TRIM37: variants seen among roughly 807,000 people sequenced by gnomAD.
TRIM37 encodes the protein E3 ubiquitin-protein ligase TRIM37.
Under a neutral mutation model 129.8 loss-of-function variants are expected in TRIM37, and 80 were observed. The ratio of observed to expected loss-of-function variants is 0.62; its 90% CI spans 0.51 to 0.74. The LOEUF is 0.74. Among genes scored for constraint, TRIM37 ranks in the 30% least tolerant of loss-of-function variants. TRIM37 has a pLI of 0.00. For synonymous variants in TRIM37, 389 were observed against 387.1 expected (o/e 1.00, Z -0.06); for missense variants, 1,054 against 1,176.5 (o/e 0.90, Z 1.52).
chr17:59,013,810 G>A (rs1215269898), intron 21 of TRIM37, among the ~76,000 whole-genome samples: 4 of 152,064 alleles, frequency 2.6e-5, no homozygotes, highest in Non-Finnish European at 5.9e-5. Flanking sequence ...TTACAGGTGT[G>A]TGCCACTGTG....
chr17:59,102,781 G>T (rs2045626872), intron 2 of TRIM37, among the ~76,000 whole-genome samples: 1 of 152,182 alleles, frequency 6.6e-6, no homozygotes, highest in African/African-American at 2.4e-5. Flanking sequence ...CATCAATTGT[G>T]AGCTGTGTGA....
intron 13 of TRIM37, among the ~76,000 whole-genome samples, chr17:59,055,290 C>A (rs1311157542): frequency 7.9e-6 from 1 of 125,968 alleles, no homozygotes. Context: ...GAGCCAAGAT[C>A]GCGCCATTGC....
chr17:59,101,213 G>C (rs1184012597), intron 2 of TRIM37, among the ~76,000 whole-genome samples: 1 of 152,038 alleles, frequency 6.6e-6, no homozygotes, highest in Non-Finnish European at 1.5e-5. Flanking sequence ...AGAAAGAAAG[G>C]TCAGAACCAG....
At chr17:58,969,635 C>T in the TRIM37 span, 6 of 1,614,078 alleles carry the variant, frequency 3.7e-6, no homozygotes, top group South Asian at 3.3e-5. Context: ...TAACTTAGTC[C>T]GCCAGGAGAT....
the TRIM37 span, chr17:58,969,466 G>A: frequency 1.4e-6 from 2 of 1,425,506 alleles, no homozygotes; most frequent in African/African-American, 2.8e-5. Context: ...GGGCAACAAT[G>A]ATGCCAGGAG....
At chr17:59,072,303 C>T (rs1053878908) in intron 8 of TRIM37, among the ~76,000 whole-genome samples, 1 of 152,184 alleles carries the variant, frequency 6.6e-6, no homozygotes, top group East Asian at 1.9e-4. Flanking sequence ...GTCTCACAGT[C>T]ATTGGTATTT....
intron 14 of TRIM37, 67 bp from the exon 15 acceptor site, chr17:59,049,460 GAA>G: frequency 7.5e-7 from 1 of 1,327,786 alleles, no homozygotes; most frequent in Non-Finnish European, 1.1e-6. Flanking sequence ...TGTCTCAAGT[GAA>G]AAAAAAATGC....
intron 19 of TRIM37, among the ~76,000 whole-genome samples, chr17:59,018,756 C>T (rs1311472893): frequency 5.3e-5 from 8 of 150,272 alleles, no homozygotes; most frequent in Non-Finnish European, 1.2e-4. Flanking sequence ...ACAAGCTAAT[C>T]CTAAAATCCA....
chr17:58,998,214 G>C lies in TRIM37; in HGVS notation c.*1163C>G. On this transcript the variant is annotated 3_prime_UTR_variant, in exon 24 of 24. Transcript: ENST00000262294. ...CAGCAGAGGCATATTTTCTCAAGTT[G>C]ATTTTATTAACAAAAAGTGCAAACT... The C allele has an allele frequency of 3.0e-6, 3 of 985,344 alleles. No individual in the cohort carries two copies. The highest frequency in any genetic ancestry group is 3.6e-6 in the Non-Finnish European group (3 of 829,876). 61.0% of individuals were successfully genotyped at this position (985,344 alleles called of 1,614,324 possible).
At chr17:58,987,215 G>GT (rs1258258459) in intron 24 of TRIM37, among the ~76,000 whole-genome samples, 1 of 152,196 alleles carries the variant, frequency 6.6e-6, no homozygotes, top group Non-Finnish European at 1.5e-5. Context: ...AGTAACTGGA[G>GT]TTTAACTAAA....
intron 22 of TRIM37, among the ~76,000 whole-genome samples, chr17:59,005,892 A>C (rs1598838368): frequency 6.6e-6 from 1 of 152,236 alleles, no homozygotes; most frequent in East Asian, 1.9e-4. Context: ...GGCGATATTT[A>C]TAATGAGGAC....
chr17:59,047,958 T>C, intron 15 of TRIM37, 139 bp from the exon 16 acceptor site: 1 of 967,586 alleles, frequency 1.0e-6, no homozygotes, highest in Non-Finnish European at 1.6e-6. Flanking sequence ...CCTCAGCTGC[T>C]GAGCCCTGTA....
Position 59,070,821 on chromosome 17 carries a change from AC to A in TRIM37, c.809+1del. On this transcript the variant is annotated splice_donor_variant, in intron 9 of 23. Transcript: ENST00000262294. LOFTEE classifies it high-confidence loss of function. ...AAAATGAAATTAAAAACTGTGTCAT[AC>A]CTGGTAAAGTCTGGTGGAACAGGAG... is the stretch of plus-strand genomic sequence containing the variant. The A allele has an allele frequency of 6.2e-7, 1 of 1,613,944 alleles. No homozygotes were observed. Among genetic ancestry groups the A allele is most frequent in the Non-Finnish European group, 8.5e-7 (1 of 1,179,888 alleles).
intron 22 of TRIM37, among the ~76,000 whole-genome samples, chr17:59,009,319 G>A (rs1428556491): frequency 6.6e-6 from 1 of 151,902 alleles, no homozygotes; most frequent in Non-Finnish European, 1.5e-5. Flanking sequence ...GTAGAGATGG[G>A]GTTTCACCAT....
intron 20 of TRIM37, among the ~76,000 whole-genome samples, chr17:59,016,649 T>C (rs1454958853): frequency 7.0e-6 from 1 of 143,230 alleles, no homozygotes; most frequent in Non-Finnish European, 1.5e-5. Context: ...TGGCTGCATG[T>C]GTCTGTGTCT....
rs1598792083 is a variant in TRIM37 at position 58,998,762 on chromosome 17, CA to C, written c.*614del. 1 of 985,716 alleles carries C rather than the reference CA, an allele frequency of 1.0e-6. No individual in the cohort carries two copies. The highest frequency in any genetic ancestry group is 1.7e-5 in the African/African-American group (1 of 57,212). 61.1% of individuals were successfully genotyped at this position (985,716 alleles called of 1,614,324 possible). A position where few individuals can be genotyped will look rare whatever the true frequency, so the allele number is the denominator to read the frequency against. ...TAAAATTACATTTGTAGAAGTCACA[CA>C]ACAGAAAGATACCATGCGGTTGAAC... is the stretch of plus-strand genomic sequence containing the variant. On this transcript the variant is annotated 3_prime_UTR_variant, in exon 24 of 24. Transcript: ENST00000262294.
intron 14 of TRIM37, 44 bp from the exon 15 acceptor site, chr17:59,049,437 G>T: frequency 6.5e-7 from 1 of 1,528,394 alleles, no homozygotes; most frequent in Non-Finnish European, 9.0e-7. Flanking sequence ...CAGCTCACTG[G>T]CACAGTAAAA....
chr17:59,104,731 T>C (rs1455763335), intron 1 of TRIM37, among the ~76,000 whole-genome samples: 1 of 152,122 alleles, frequency 6.6e-6, no homozygotes. Flanking sequence ...CAGTTACACA[T>C]AGATTACAGT....
intron 20 of TRIM37, among the ~76,000 whole-genome samples, chr17:59,016,200 C>A (rs899275934): frequency 3.3e-5 from 5 of 151,778 alleles, no homozygotes; most frequent in African/African-American, 1.2e-4. Flanking sequence ...TCAAGACCAG[C>A]CTGGCCAATG....
Sources: allele counts gnomAD v4.1 joint callset (sites outside exome capture counted in the v4.1 genomes callset), GRCh38; gene constraint gnomAD v4.1.1; transcripts MANE v1.5; gene names NCBI Gene and HGNC (gene_info 2026-07-23, HGNC 2026-07-21).